CERT1: variants seen among roughly 807,000 people sequenced by gnomAD.
CERT1 encodes the protein ceramide transfer protein.
CERT1 carries 31 observed loss-of-function variants against 87.9 expected under a neutral mutation model. The observed-to-expected ratio is 0.35, with a 90% confidence interval of 0.27 to 0.48. The LOEUF (loss-of-function observed/expected upper bound fraction) is 0.48, where lower values mean the gene tolerates loss of function less well. Among genes scored for constraint, CERT1 ranks in the 20% least tolerant of loss-of-function variants. CERT1 has a pLI of 0.99. For synonymous variants in CERT1, 289 were observed against 250.9 expected (o/e 1.15, Z -1.44); for missense variants, 487 against 758.0 (o/e 0.64, Z 4.20).
intron 11 of CERT1, among the ~76,000 whole-genome samples, chr5:75,396,250 A>C (rs544395419): frequency 6.6e-5 from 10 of 152,360 alleles, no homozygotes; most frequent in Admixed American, 5.9e-4. Context: ...CTGGACTTTT[A>C]AAATTTGTTG....
chr5:75,409,817 G>A (rs572929888), intron 8 of CERT1, among the ~76,000 whole-genome samples: 3 of 150,396 alleles, frequency 2.0e-5, no homozygotes, highest in Admixed American at 6.6e-5. Context: ...GTGAACCACC[G>A]TGCTGGCCAA....
chr5:75,493,371 A>T (rs1457204968), intron 2 of CERT1, among the ~76,000 whole-genome samples: 1 of 152,352 alleles, frequency 6.6e-6, no homozygotes, highest in East Asian at 1.9e-4. Flanking sequence ...AAACAACAAG[A>T]GGTAAATTTG....
intron 3 of CERT1, among the ~76,000 whole-genome samples, chr5:75,430,967 G>T (rs1426895070): frequency 4.6e-5 from 7 of 152,158 alleles, no homozygotes. Context: ...CTTGCATCCA[G>T]AAGTTCGAGA....
intron 1 of CERT1, among the ~76,000 whole-genome samples, chr5:75,509,523 T>C (rs1421873619): frequency 6.6e-6 from 1 of 152,186 alleles, no homozygotes; most frequent in East Asian, 1.9e-4. Flanking sequence ...GGTGATCAAA[T>C]ACATTTGTAT....
At chr5:75,511,800 A>G, upstream of CERT1, 1 of 1,551,384 alleles carries the variant, frequency 6.4e-7, no homozygotes. Context: ...AAGCAGGAGG[A>G]GCGGAGAAAG....
intron 8 of CERT1, among the ~76,000 whole-genome samples, chr5:75,407,519 A>G (rs756381987): frequency 6.6e-5 from 10 of 151,462 alleles, no homozygotes; most frequent in African/African-American, 1.5e-4. Flanking sequence ...ATCAATAGGG[A>G]AAAAAAACCC....
chr5:75,409,975 T>C (rs1424742257), intron 8 of CERT1, among the ~76,000 whole-genome samples: 1 of 152,068 alleles, frequency 6.6e-6, no homozygotes, highest in African/African-American at 2.4e-5. Flanking sequence ...TAATTTTTGT[T>C]ATTTTATTTT....
At position 75,381,955 on chromosome 5, in the gene CERT1, A is replaced by G. The variant is rs1479047006; in HGVS notation, c.1611T>C (p.Ser537=). ...IVCNFSVDHD[S]APLNNRCVRA... The stretch of plus-strand genomic sequence containing the variant: ...TTTATATACATGTACTTACAGGAGC[A>G]CTGTCATGATCCACAGAAAAATTAC... The change falls in exon 15 of 17, where the codon AGT becomes AGC. Residue 537 remains serine (S), a synonymous_variant. Transcript: ENST00000643780. 1.9e-6 allele frequency: 3 copies of G among 1,612,860 alleles called. No individual in the cohort carries two copies. Among genetic ancestry groups the G allele is most frequent in the African/African-American group, 1.3e-5 (1 of 75,032 alleles).
intron 3 of CERT1, among the ~76,000 whole-genome samples, chr5:75,428,662 A>G (rs1006077022): frequency 2.0e-5 from 3 of 150,880 alleles, no homozygotes; most frequent in Non-Finnish European, 2.9e-5. Flanking sequence ...TGGGTGAAAG[A>G]GCGAGACTCT....
At chr5:75,427,459 C>A (rs1217363177) in intron 3 of CERT1, among the ~76,000 whole-genome samples, 2 of 152,114 alleles carry the variant, frequency 1.3e-5, no homozygotes, top group African/African-American at 2.4e-5. Context: ...ATTAGCCGGG[C>A]ATGGTGGCGG....
chr5:75,477,897 A>C (rs1307205921), intron 2 of CERT1, among the ~76,000 whole-genome samples: 1 of 152,200 alleles, frequency 6.6e-6, no homozygotes, highest in Non-Finnish European at 1.5e-5. Context: ...TAAAGGAAAA[A>C]AAGTTCATTT....
intron 12 of CERT1, among the ~76,000 whole-genome samples, chr5:75,388,198 T>G (rs1040601920): frequency 6.6e-6 from 1 of 152,200 alleles, no homozygotes; most frequent in African/African-American, 2.4e-5. Context: ...TACAATCACC[T>G]TATCAGAATT....
intron 2 of CERT1, among the ~76,000 whole-genome samples, chr5:75,492,107 G>T (rs1334927964): frequency 6.6e-6 from 1 of 152,160 alleles, no homozygotes; most frequent in East Asian, 1.9e-4. Flanking sequence ...TGTTCGAGAG[G>T]CCAAGGCTGG....
chr5:75,462,378 C>T (rs1765268799), intron 2 of CERT1, among the ~76,000 whole-genome samples: 1 of 152,142 alleles, frequency 6.6e-6, no homozygotes, highest in African/African-American at 2.4e-5. Context: ...TCATAAGGAG[C>T]GTGCAACCTA....
chr5:75,445,677 T>C (rs959870509), intron 3 of CERT1, among the ~76,000 whole-genome samples: 8 of 152,136 alleles, frequency 5.3e-5, no homozygotes, highest in African/African-American at 1.4e-4. Context: ...GGGTTTTTAC[T>C]GAGATGAGGT....
At chr5:75,472,290 A>C (rs1376810723) in intron 2 of CERT1, among the ~76,000 whole-genome samples, 1 of 152,250 alleles carries the variant, frequency 6.6e-6, no homozygotes. Flanking sequence ...AGTGAATTAA[A>C]ATCTGAAATA....
At chr5:75,483,519 T>C (rs188259108) in intron 2 of CERT1, among the ~76,000 whole-genome samples, 2 of 152,054 alleles carry the variant, frequency 1.3e-5, no homozygotes, top group East Asian at 1.9e-4. Context: ...TATGAACATA[T>C]AAGAAGGTTA....
intron 12 of CERT1, 80 bp from the exon 13 acceptor site, chr5:75,386,114 G>A: frequency 9.1e-7 from 1 of 1,096,324 alleles, no homozygotes; most frequent in East Asian, 2.9e-5. Flanking sequence ...TTTTAATACA[G>A]CTGCTCTTTA....
chr5:75,430,492 T>C (rs1224839787), intron 3 of CERT1, among the ~76,000 whole-genome samples: 2 of 152,042 alleles, frequency 1.3e-5, no homozygotes, highest in Non-Finnish European at 2.9e-5. Context: ...AAGACAAAAC[T>C]AATCTATGAC....
Sources: gnomAD v4.1 joint callset for allele counts (sites outside exome capture counted in the v4.1 genomes callset) on GRCh38, gnomAD v4.1.1 for gene constraint, MANE v1.5 for transcripts, NCBI Gene and HGNC (gene_info 2026-07-23, HGNC 2026-07-21) for gene names.